Variants in GUCY1A2 observed in about 807,000 individuals in gnomAD.
GUCY1A2 encodes guanylate cyclase 1 soluble subunit alpha 2, also known as guanylate cyclase soluble subunit alpha-2.
GUCY1A2 carries 27 observed loss-of-function variants against 63.5 expected under a neutral mutation model. That is an observed-to-expected ratio of 0.43 (90% CI 0.31 to 0.59). The LOEUF (loss-of-function observed/expected upper bound fraction) is 0.59. GUCY1A2 is among the 20% of genes least tolerant of loss of function. The pLI is 0.11. For missense variants in GUCY1A2, 768 were observed against 913.3 expected (o/e 0.84, Z 2.05); for synonymous variants, 364 against 343.5 (o/e 1.06, Z -0.66).
At chr11:106,935,878 A>C (rs1860670026) in intron 4 of GUCY1A2, among the ~76,000 whole-genome samples, 1 of 152,092 alleles carries the variant, frequency 6.6e-6, no homozygotes, top group Admixed American at 6.6e-5. Flanking sequence ...AAAAATTAAA[A>C]AAAAAATCAT....
intron 3 of GUCY1A2, among the ~76,000 whole-genome samples, chr11:106,971,650 T>C (rs918109481): frequency 2.0e-5 from 3 of 152,156 alleles, no homozygotes; most frequent in Non-Finnish European, 2.9e-5. Flanking sequence ...TTAACTCATA[T>C]TTAGCATATG....
intron 3 of GUCY1A2, among the ~76,000 whole-genome samples, chr11:106,973,152 T>C (rs1332713206): frequency 6.6e-6 from 1 of 152,110 alleles, no homozygotes; most frequent in Non-Finnish European, 1.5e-5. Context: ...TAGGAATTGT[T>C]TAATAAGATT....
chr11:106,748,199 G>T (rs1863823010), intron 6 of GUCY1A2, among the ~76,000 whole-genome samples: 1 of 152,158 alleles, frequency 6.6e-6, no homozygotes, highest in Admixed American at 6.5e-5. Context: ...CTTCTAAAAG[G>T]TGATTATGAT....
At chr11:106,733,881 C>G (rs374290008) in intron 6 of GUCY1A2, among the ~76,000 whole-genome samples, 9 of 152,250 alleles carry the variant, frequency 5.9e-5, no homozygotes, top group African/African-American at 2.2e-4. Flanking sequence ...TATCAGTCCT[C>G]TCTTGAAAAT....
chr11:106,971,016 A>C (rs1222378150), intron 3 of GUCY1A2, among the ~76,000 whole-genome samples: 1 of 152,160 alleles, frequency 6.6e-6, no homozygotes, highest in African/African-American at 2.4e-5. Flanking sequence ...TGGTGAAGGC[A>C]AAACTATAGC....
intron 4 of GUCY1A2, among the ~76,000 whole-genome samples, chr11:106,898,030 A>G (rs766657010): frequency 3.9e-5 from 6 of 152,198 alleles, no homozygotes; most frequent in Non-Finnish European, 7.4e-5. Context: ...AAAAAACAGA[A>G]CAAATATCTT....
intron 4 of GUCY1A2, among the ~76,000 whole-genome samples, chr11:106,922,194 A>G (rs1205659657): frequency 6.6e-6 from 1 of 152,152 alleles, no homozygotes; most frequent in African/African-American, 2.4e-5. Context: ...TTCTTCAACT[A>G]TAAAGTGTGG....
At chr11:106,798,943 G>C (rs973583416) in intron 5 of GUCY1A2, among the ~76,000 whole-genome samples, 3 of 152,058 alleles carry the variant, frequency 2.0e-5, no homozygotes, top group Non-Finnish European at 4.4e-5. Flanking sequence ...AGAAATAAAG[G>C]GTATTCAATT....
intron 4 of GUCY1A2, among the ~76,000 whole-genome samples, chr11:106,916,118 T>G (rs1565330555): frequency 6.9e-6 from 1 of 145,916 alleles, no homozygotes; most frequent in Non-Finnish European, 1.5e-5. Context: ...CTACAAAGTA[T>G]TCCTTTGATT....
intron 1 of GUCY1A2, among the ~76,000 whole-genome samples, chr11:107,013,937 G>T (rs1861782989): frequency 6.6e-6 from 1 of 151,486 alleles, no homozygotes; most frequent in Non-Finnish European, 1.5e-5. Context: ...CTTTCCAAAT[G>T]CTCTGCACAA....
chr11:106,680,926 G>T lies in GUCY1A2; in HGVS notation c.*6623C>A, dbSNP rs1862422215. On this transcript the variant is annotated 3_prime_UTR_variant, in exon 8 of 8. Coordinates refer to ENST00000526355, the MANE Select transcript of GUCY1A2 (RefSeq NM_000855.3). The stretch of plus-strand genomic sequence containing the variant: ...CTTATATGCTAAATCATAATCTGAT[G>T]TTTAGATACTGTTCAGTATAAACAT... 4.9e-6 allele frequency: 1 copy of T among 202,920 alleles called. No homozygotes were observed. Among genetic ancestry groups the T allele is most frequent in the Non-Finnish European group, 1.0e-5 (1 of 98,892 alleles). The allele number at this position is 202,920 out of a possible 1,614,324, so 12.6% of individuals were successfully genotyped here.
intron 6 of GUCY1A2, among the ~76,000 whole-genome samples, chr11:106,745,431 TCTCA>T (rs1383988964): frequency 6.6e-6 from 1 of 152,224 alleles, no homozygotes; most frequent in Non-Finnish European, 1.5e-5. Flanking sequence ...GTATTATAAC[TCTCA>T]CTAAATTGCC....
intron 3 of GUCY1A2, among the ~76,000 whole-genome samples, chr11:106,947,285 T>C (rs1449101565): frequency 4.6e-5 from 7 of 150,832 alleles, no homozygotes; most frequent in East Asian, 1.9e-4. Flanking sequence ...CACTAATACA[T>C]GTCTCTCAGT....
intron 6 of GUCY1A2, chr11:106,746,706 G>C (rs904905702): frequency 2.2e-6 from 2 of 892,638 alleles, no homozygotes; most frequent in African/African-American, 3.3e-5. Flanking sequence ...TCAGTACTGT[G>C]ACATTTTTTA....
chr11:106,778,115 G>A (rs540533109), intron 5 of GUCY1A2, among the ~76,000 whole-genome samples: 2 of 152,232 alleles, frequency 1.3e-5, no homozygotes, highest in South Asian at 2.1e-4. Context: ...CAATAGAGAT[G>A]GTGGTATTAA....
intron 4 of GUCY1A2, among the ~76,000 whole-genome samples, chr11:106,890,014 C>T (rs2135477374): frequency 6.6e-6 from 1 of 152,248 alleles, no homozygotes; most frequent in Middle Eastern, 3.4e-3. Flanking sequence ...TAAAATGATG[C>T]ATCTCTGTAT....
chr11:106,880,289 C>A (rs561876031), intron 4 of GUCY1A2, among the ~76,000 whole-genome samples: 20 of 152,016 alleles, frequency 1.3e-4, no homozygotes, highest in Non-Finnish European at 2.9e-4. Flanking sequence ...GGAATGCAAG[C>A]CCATACAGGG....
rs77747552 is a variant in GUCY1A2 at position 106,730,367 on chromosome 11, A to G, written c.1837-21701T>C. On this transcript the variant is annotated intron_variant, in intron 6 of 7. Coordinates refer to ENST00000526355, the MANE Select transcript of GUCY1A2 (RefSeq NM_000855.3). The stretch of plus-strand genomic sequence containing the variant: ...TTAAAAGTGAGAGTGAACATGTGAT[A>G]TTTGGTTTTCTGTTCCTGTGTTAGT... Among the ~76,000 whole-genome samples the G allele has an allele frequency of 6.3e-3, 953 of 151,820 alleles. 15 individuals are homozygous for G. The highest frequency in any genetic ancestry group is 0.021 in the African/African-American group (878 of 41,440).
At chr11:106,791,683 T>C (rs1864663433) in intron 5 of GUCY1A2, among the ~76,000 whole-genome samples, 1 of 152,170 alleles carries the variant, frequency 6.6e-6, no homozygotes, top group African/African-American at 2.4e-5. Flanking sequence ...TAAATATAGA[T>C]TTAAAAAAGG....
Sources: gnomAD v4.1 joint callset for allele counts (sites outside exome capture counted in the v4.1 genomes callset) on GRCh38, gnomAD v4.1.1 for gene constraint, MANE v1.5 for transcripts, NCBI Gene and HGNC (gene_info 2026-07-23, HGNC 2026-07-21) for gene names.